The following AGBL4 variants were observed in gnomAD, a reference collection of about 807,000 sequenced individuals.
The protein encoded by AGBL4 is AGBL carboxypeptidase 4, also known as cytosolic carboxypeptidase 6.
A neutral mutation model predicts 66.4 loss-of-function variants in AGBL4; 58 were observed. That is an observed-to-expected ratio of 0.87 (90% CI 0.71 to 1.09). The LOEUF (loss-of-function observed/expected upper bound fraction) is 1.09, where lower values mean the gene tolerates loss of function less well. Ranked by LOEUF, AGBL4 falls within the 50% of genes least tolerant of loss-of-function variation. The probability of loss-of-function intolerance (pLI) is 0.00; values close to 1 mark genes in which losing one functional copy is unlikely to be tolerated. For missense variants in AGBL4, 579 were observed against 631.0 expected (o/e 0.92, Z 0.88); for synonymous variants, 234 against 222.9 (o/e 1.05, Z -0.44).
intron 3 of AGBL4, among the ~76,000 whole-genome samples, chr1:49,467,101 G>A (rs1646647421): frequency 6.6e-6 from 1 of 151,804 alleles, no homozygotes; most frequent in Non-Finnish European, 1.5e-5. Context: ...ACAGGGAATT[G>A]GGGTTGAATT....
intron 6 of AGBL4, among the ~76,000 whole-genome samples, chr1:48,825,923 T>C (rs1197384809): frequency 6.6e-6 from 1 of 152,124 alleles, no homozygotes; most frequent in Non-Finnish European, 1.5e-5. Context: ...GGGGAAGAAA[T>C]GAAAGGAAGG....
chr1:48,880,319 G>C (rs186280981), intron 5 of AGBL4, among the ~76,000 whole-genome samples: 310 of 152,296 alleles, frequency 2.0e-3, no homozygotes, highest in Non-Finnish European at 3.5e-3. Context: ...AGGCTGAGTA[G>C]TATTCCATCA....
At chr1:49,822,166 T>C (rs992603605) in intron 2 of AGBL4, among the ~76,000 whole-genome samples, 1 of 152,246 alleles carries the variant, frequency 6.6e-6, no homozygotes, top group Admixed American at 6.5e-5. Context: ...ATTCACATTG[T>C]TCACAACATA....
At chr1:49,255,585 A>G (rs1388511713) in intron 3 of AGBL4, among the ~76,000 whole-genome samples, 2 of 152,208 alleles carry the variant, frequency 1.3e-5, no homozygotes, top group Non-Finnish European at 2.9e-5. Context: ...TAGTTCAACC[A>G]TTTTGGAAGA....
At chr1:48,691,211 T>C (rs890134003) in intron 6 of AGBL4, among the ~76,000 whole-genome samples, 1 of 149,258 alleles carries the variant, frequency 6.7e-6, no homozygotes, top group Non-Finnish European at 1.5e-5. Flanking sequence ...ATTACATATA[T>C]AGAAAATTTT....
intron 1 of AGBL4, among the ~76,000 whole-genome samples, chr1:49,917,726 A>G (rs1352762738): frequency 6.6e-6 from 1 of 152,204 alleles, no homozygotes; most frequent in African/African-American, 2.4e-5. Flanking sequence ...GCTCTGCACC[A>G]AGCAGACCTA....
At chr1:49,887,234 T>TAG in intron 1 of AGBL4, among the ~76,000 whole-genome samples, 1 of 150,602 alleles carries the variant, frequency 6.6e-6, no homozygotes, top group African/African-American at 2.4e-5. Context: ...ATATACATTG[T>TAG]ATATATATGT....
At chr1:48,991,211 G>A (rs574631983) in intron 5 of AGBL4, among the ~76,000 whole-genome samples, 4 of 152,198 alleles carry the variant, frequency 2.6e-5, no homozygotes, top group East Asian at 1.9e-4. Context: ...TCTACTTCAC[G>A]TTTGAAGAAT....
intron 5 of AGBL4, among the ~76,000 whole-genome samples, chr1:49,044,546 C>G (rs1644029153): frequency 6.6e-6 from 1 of 151,880 alleles, no homozygotes. Context: ...ATGCAACACT[C>G]CCCAACCCAA....
intron 3 of AGBL4, among the ~76,000 whole-genome samples, chr1:49,595,399 TTTGA>T (rs745523029): frequency 1.8e-4 from 28 of 152,216 alleles, no homozygotes; most frequent in Non-Finnish European, 4.0e-4. Flanking sequence ...TCATTGTGGT[TTTGA>T]TTAATTTATT....
intron 5 of AGBL4, among the ~76,000 whole-genome samples, chr1:48,958,014 T>A (rs1325775972): frequency 6.6e-6 from 1 of 152,044 alleles, no homozygotes; most frequent in Non-Finnish European, 1.5e-5. Context: ...TTGTTTGTTT[T>A]GTTTTTTGTT....
At chr1:49,756,362 A>T (rs943806141) in intron 2 of AGBL4, among the ~76,000 whole-genome samples, 1 of 152,336 alleles carries the variant, frequency 6.6e-6, no homozygotes, top group South Asian at 2.1e-4. Context: ...CAGATTGAAA[A>T]TCAGGCCACA....
intron 3 of AGBL4, among the ~76,000 whole-genome samples, chr1:49,335,614 C>T (rs1483476227): frequency 6.6e-6 from 1 of 151,992 alleles, no homozygotes; most frequent in East Asian, 1.9e-4. Flanking sequence ...CTCCCAGGTT[C>T]ATGCCATTCT....
At chr1:48,774,695 A>G (rs1181943010) in intron 6 of AGBL4, among the ~76,000 whole-genome samples, 1 of 152,232 alleles carries the variant, frequency 6.6e-6, no homozygotes, top group Non-Finnish European at 1.5e-5. Context: ...AGCTACATGT[A>G]TCTTGCTTCT....
chr1:49,130,513 G>C (rs902852605), intron 4 of AGBL4, among the ~76,000 whole-genome samples: 37 of 152,184 alleles, frequency 2.4e-4, no homozygotes, highest in African/African-American at 8.7e-4. Flanking sequence ...AGGGGATCCA[G>C]TTTCAGCTTT....
At chr1:48,987,183 T>C (rs886365119) in intron 5 of AGBL4, among the ~76,000 whole-genome samples, 1 of 151,030 alleles carries the variant, frequency 6.6e-6, no homozygotes, top group East Asian at 1.9e-4. Flanking sequence ...ATGAAACAAA[T>C]AGAAAACAAA....
Position 49,906,116 on chromosome 1 carries a change from CTGTGTGTGTGTGTGTG to C in AGBL4, c.35-54614_35-54599del, listed in dbSNP as rs59711282. On this transcript the variant is annotated intron_variant, in intron 1 of 13. Coordinates refer to ENST00000371839, the MANE Select transcript of AGBL4 (RefSeq NM_032785.4). ...TTTTAAGATAAAGAGAAACAGGACTCTGTGTGTGTGTGTGTGTGTGTGTGTGTGTGTGTGTAACTTG... is the reference window on the plus strand; with the variant it reads ...TTTTAAGATAAAGAGAAACAGGACTCTGTGTGTGTGTGTGTGTGTAACTTG... 2.0e-5 allele frequency among the ~76,000 whole-genome samples: 3 copies of C among 147,402 alleles called. No homozygotes were observed. The Admixed American group carries it at 2.0e-4, about 10-fold the overall frequency.
At chr1:49,996,089 CT>C (rs1660350387) in intron 1 of AGBL4, 1 of 152,142 alleles carries the variant, frequency 6.6e-6, no homozygotes, top group Non-Finnish European at 1.5e-5. Flanking sequence ...TATCTTCCCC[CT>C]GACATAATCT....
intron 3 of AGBL4, among the ~76,000 whole-genome samples, chr1:49,604,704 G>T (rs1645031801): frequency 6.6e-6 from 1 of 152,108 alleles, no homozygotes; most frequent in Non-Finnish European, 1.5e-5. Context: ...GTCAGGTCAG[G>T]AGGTACATAG....
Sources: allele counts gnomAD v4.1 joint callset (sites outside exome capture counted in the v4.1 genomes callset), GRCh38; gene constraint gnomAD v4.1.1; transcripts MANE v1.5; gene names NCBI Gene and HGNC (gene_info 2026-07-23, HGNC 2026-07-21).